The following NDUFB1 variants were observed in gnomAD, a reference collection of about 807,000 sequenced individuals.
The protein encoded by NDUFB1 is NADH:ubiquinone oxidoreductase subunit B1, also known as NADH dehydrogenase [ubiquinone] 1 beta subcomplex subunit 1.
NDUFB1 carries 6 observed loss-of-function variants against 6.7 expected under a neutral mutation model. That is an observed-to-expected ratio of 0.89 (90% CI 0.49 to 1.76). The LOEUF (loss-of-function observed/expected upper bound fraction) is 1.76. Among genes scored for constraint, NDUFB1 ranks in the 40% most tolerant of loss-of-function variants. The pLI, the probability that NDUFB1 is intolerant of heterozygous loss-of-function variation, is 0.01. For synonymous variants in NDUFB1, 17 were observed against 22.9 expected (o/e 0.74, Z 0.74); for missense variants, 56 against 71.0 (o/e 0.79, Z 0.76).
intron 1 of NDUFB1, 39 bp from the exon 2 acceptor site, chr14:92,117,681 G>A (rs72691106): frequency 3.1e-6 from 4 of 1,277,764 alleles, no homozygotes; most frequent in Non-Finnish European, 4.2e-6. Flanking sequence ...CAACTGCTTT[G>A]TTTTTTTTTT....
In NDUFB1 at chr14:92,120,349, C is replaced by CTTT. The variant is rs768894951; in HGVS notation, c.-6+1290_-6+1292dup. On this transcript the variant is annotated intron_variant, in intron 1 of 2. Transcript: ENST00000605997. ...TATACAATTCATACTTTTTTCTTTC[C>CTTT]TTTTTTTTTTTTTATTTTGAGACGA... The CTTT allele has an allele frequency of 9.4e-4, 134 of 143,192 alleles. 7 individuals are homozygous for CTTT. The East Asian group carries it at 0.015, about 16-fold the overall frequency. The allele number at this position is 143,192 out of a possible 1,614,324, so 8.9% of individuals were successfully genotyped here. A position where few individuals can be genotyped will look rare whatever the true frequency, so the allele number is the denominator to read the frequency against.
intron 1 of NDUFB1, among the ~76,000 whole-genome samples, chr14:92,120,178 A>G (rs1275390342): frequency 6.6e-6 from 1 of 152,186 alleles, no homozygotes; most frequent in Non-Finnish European, 1.5e-5. Context: ...TTTGGACTAA[A>G]CTAATAAATC....
At chr14:92,117,761 G>A (rs1258634571) in intron 1 of NDUFB1, 119 bp from the exon 2 acceptor site, 2 of 956,486 alleles carry the variant, frequency 2.1e-6, no homozygotes, top group Admixed American at 2.4e-5. Context: ...ACTTTGGGAT[G>A]CTGAGGTGGG....
chr14:92,118,997 AGGC>A, intron 1 of NDUFB1: 1 of 371,484 alleles, frequency 2.7e-6, no homozygotes, highest in South Asian at 2.0e-5. Flanking sequence ...AGAAAAAAAA[AGGC>A]AAAGGGAGAA....
At position 92,121,029 on chromosome 14, in the gene NDUFB1, G is replaced by A. The variant is rs1362021765; in HGVS notation, c.-6+613C>T. On this transcript the variant is annotated intron_variant, in intron 1 of 2. Transcript: ENST00000605997. ...TACAAAAAATTAGCCGGGTGTGGTG[G>A]CGGGCGCCTGTAATCCCAGCTACTT... 1.2e-4 allele frequency among the ~76,000 whole-genome samples: 18 copies of A among 152,160 alleles called. 1 individual carries two copies. In the East Asian group the frequency reaches 3.5e-3, roughly 30 times the overall value.
chr14:92,116,331 C>CTTTTTTTTTTT (rs35571568), intron 2 of NDUFB1, 102 bp from the exon 3 acceptor site: 32 of 499,288 alleles, frequency 6.4e-5, no homozygotes, highest in South Asian at 2.5e-4. Flanking sequence ...ATTTCATTTT[C>CTTTTTTTTTTT]TTTTTTTTTT....
In NDUFB1 at chr14:92,119,852, C is replaced by A. The variant is rs995350862; in HGVS notation, c.-6+1790G>T. On this transcript the variant is annotated intron_variant, in intron 1 of 2. Coordinates refer to ENST00000605997, the MANE Select transcript of NDUFB1 (RefSeq NM_004545.4). ...TAATAGTCCACTGCAGTCTTGAACT[C>A]CTGAGCTCAAGTGATCTTCCCACCT... Among the ~76,000 whole-genome samples, 4 of 151,858 alleles carry A rather than the reference C, an allele frequency of 2.6e-5. No individual in the cohort carries two copies. The East Asian group carries it at 7.7e-4, about 29-fold the overall frequency.
chr14:92,121,671 A>C lies in NDUFB1; in HGVS notation c.-35T>G, dbSNP rs1315120458. ...AGCCTCAGCGCCTACAGCGACCCCG[A>C]GACCAAGGGCAACAGGGAACTCAAC... On this transcript the variant is annotated 5_prime_UTR_variant, in exon 1 of 3. Coordinates refer to ENST00000605997, the MANE Select transcript of NDUFB1 (RefSeq NM_004545.4). 1.2e-6 allele frequency: 2 copies of C among 1,613,408 alleles called. No individual in the cohort carries two copies. The highest frequency in any genetic ancestry group is 2.7e-5 in the African/African-American group (2 of 74,788).
At chr14:92,118,382 A>T (rs1164034364) in intron 1 of NDUFB1, 1 of 152,200 alleles carries the variant, frequency 6.6e-6, no homozygotes, top group Admixed American at 6.5e-5. Flanking sequence ...CACAGGCACT[A>T]CAGCTCTCAA....
At chr14:92,118,645 A>C (rs923779239) in intron 1 of NDUFB1, 1 of 152,338 alleles carries the variant, frequency 6.6e-6, no homozygotes, top group African/African-American at 2.4e-5. Context: ...ATATTCAATA[A>C]TGTCACTGTA....
At chr14:92,116,339 T>A in intron 2 of NDUFB1, 110 bp from the exon 3 acceptor site, 1 of 980,100 alleles carries the variant, frequency 1.0e-6, no homozygotes. Context: ...TTCTTTTTTT[T>A]TTTTTTTTTT....
At chr14:92,121,612 G>A in intron 1 of NDUFB1, 30 bp downstream of exon 1, 1 of 1,611,200 alleles carries the variant, frequency 6.2e-7, no homozygotes, top group South Asian at 1.1e-5. Flanking sequence ...GATCCTCGTC[G>A]CGGCGGCCCC....
chr14:92,117,734 A>G lies in NDUFB1; in HGVS notation c.-5-92T>C, dbSNP rs1158629959. ...GCATCTGGGCCAGGTGCGGTGGTTC[A>G]TGCCTGTAATCCTAGCACTTTGGGA... On this transcript the variant is annotated intron_variant, in intron 1 of 2. Coordinates refer to ENST00000605997, the MANE Select transcript of NDUFB1 (RefSeq NM_004545.4). The G allele has an allele frequency of 1.4e-5, 18 of 1,270,722 alleles. No homozygotes were observed. The East Asian group carries it at 3.3e-4, about 23-fold the overall frequency. The allele number at this position is 1,270,722 out of a possible 1,614,324, so 78.7% of individuals were successfully genotyped here. A position where few individuals can be genotyped will look rare whatever the true frequency, so the allele number is the denominator to read the frequency against.
rs3818263 is a variant in NDUFB1, at chr14:92,121,658, T to G, written c.-22A>C. 595,031 of 1,609,362 alleles carry G rather than the reference T, an allele frequency of 0.37. 119,205 individuals carry two copies. The highest frequency in any genetic ancestry group is 0.85 in the East Asian group (38,011 of 44,592). On this transcript the variant is annotated 5_prime_UTR_variant, in exon 1 of 3. Transcript: ENST00000605997. ...CAAACCCACCTGCAGCCTCAGCGCC[T>G]ACAGCGACCCCGAGACCAAGGGCAA...
At chr14:92,119,349 G>C (rs1485353294) in intron 1 of NDUFB1, among the ~76,000 whole-genome samples, 1 of 151,074 alleles carries the variant, frequency 6.6e-6, no homozygotes, top group Non-Finnish European at 1.5e-5. Context: ...CTAGGTACCA[G>C]AGCCATCATC....
intron 2 of NDUFB1, among the ~76,000 whole-genome samples, chr14:92,116,437 G>A (rs1167633215): frequency 6.8e-6 from 1 of 147,202 alleles, no homozygotes; most frequent in African/African-American, 2.5e-5. Flanking sequence ...GGCTTCAAGC[G>A]ATTATCCTGC....
At chr14:92,121,191 A>G in intron 1 of NDUFB1, 1 of 213,244 alleles carries the variant, frequency 4.7e-6, no homozygotes, top group Non-Finnish European at 9.6e-6. Flanking sequence ...TAAAAGGGTA[A>G]GCACATCATT....
At chr14:92,119,238 A>T (rs1299633187) in intron 1 of NDUFB1, among the ~76,000 whole-genome samples, 2 of 98,240 alleles carry the variant, frequency 2.0e-5, no homozygotes, top group African/African-American at 9.1e-5. Context: ...CTTGAGCCCA[A>T]GAGACGGAGG....
In NDUFB1 at chr14:92,121,663, C is replaced by T. The variant is rs1039858297; in HGVS notation, c.-27G>A. On this transcript the variant is annotated 5_prime_UTR_variant, in exon 1 of 3. Coordinates refer to ENST00000605997, the MANE Select transcript of NDUFB1 (RefSeq NM_004545.4). The stretch of plus-strand genomic sequence containing the variant: ...CCACCTGCAGCCTCAGCGCCTACAG[C>T]GACCCCGAGACCAAGGGCAACAGGG... The T allele has an allele frequency of 6.2e-7, 1 of 1,611,522 alleles. No individual in the cohort carries two copies. The highest frequency in any genetic ancestry group is 1.7e-5 in the Admixed American group (1 of 59,802).
Sources: allele counts gnomAD v4.1 joint callset (sites outside exome capture counted in the v4.1 genomes callset), GRCh38; gene constraint gnomAD v4.1.1; transcripts MANE v1.5; gene names NCBI Gene and HGNC (gene_info 2026-07-23, HGNC 2026-07-21).